Variants in METTL15 observed in about 807,000 individuals in gnomAD.
METTL15 encodes the protein methyltransferase 15, mitochondrial 12S rRNA N4-cytidine, also known as 12S rRNA N(4)-cytidine methyltransferase METTL15.
In METTL15, 34 loss-of-function variants were observed where a neutral mutation model predicts 38.3. The observed-to-expected ratio is 0.89, with a 90% CI of 0.68 to 1.18. The LOEUF (loss-of-function observed/expected upper bound fraction) is 1.18, where lower values mean the gene tolerates loss of function less well. Ranked by LOEUF, METTL15 falls within the 50% of genes most tolerant of loss-of-function variation. METTL15 has a pLI of 0.00. For synonymous variants in METTL15, 162 were observed against 170.9 expected (o/e 0.95, Z 0.41); for missense variants, 438 against 498.4 (o/e 0.88, Z 1.15).
At chr11:28,457,768 G>T (rs1851181309) in intron 6 of METTL15, among the ~76,000 whole-genome samples, 1 of 152,192 alleles carries the variant, frequency 6.6e-6, no homozygotes, top group Non-Finnish European at 1.5e-5. Flanking sequence ...CCTAAAGACT[G>T]GACGTTGTTT....
chr11:28,139,307 G>A (rs1849618291), intron 3 of METTL15, among the ~76,000 whole-genome samples: 1 of 152,100 alleles, frequency 6.6e-6, no homozygotes, highest in Non-Finnish European at 1.5e-5. Context: ...GAGAAATACA[G>A]ACTGAAGATG....
At chr11:28,174,543 A>G (rs919619911) in intron 3 of METTL15, among the ~76,000 whole-genome samples, 1 of 152,150 alleles carries the variant, frequency 6.6e-6, no homozygotes, top group Non-Finnish European at 1.5e-5. Context: ...GGTCAGGCAC[A>G]GTGACTCACG....
intron 6 of METTL15, among the ~76,000 whole-genome samples, chr11:28,487,762 T>A (rs1398850659): frequency 6.6e-6 from 1 of 152,194 alleles, no homozygotes; most frequent in African/African-American, 2.4e-5. Context: ...TAGCTTCTAT[T>A]TCTTCTCTCA....
At chr11:28,163,692 AAT>A in intron 3 of METTL15, 1 of 373,180 alleles carries the variant, frequency 2.7e-6, no homozygotes, top group Non-Finnish European at 4.7e-6. Flanking sequence ...CTGAGAACTT[AAT>A]ATACTTTTTT....
At chr11:28,334,289 C>T (rs536071530), downstream of METTL15, among the ~76,000 whole-genome samples, 35 of 152,050 alleles carry the variant, frequency 2.3e-4, no homozygotes, top group African/African-American at 3.9e-4. Flanking sequence ...AATTTTGGCA[C>T]ATACCATGAC....
chr11:28,376,281 A>G lies in METTL15; in HGVS notation c.*358+14245A>G, dbSNP rs1344536566. On this transcript the variant is annotated intron_variant and NMD_transcript_variant, in intron 5 of 7. Coordinates refer to the METTL15 transcript ENST00000532947. Reference sequence around the variant, plus strand: ...TGACAGTGGGGTGTTAAAGTCTCCCATTATTAATGTGTGGGAGTCTAAGTC... The same window carrying G: ...TGACAGTGGGGTGTTAAAGTCTCCCGTTATTAATGTGTGGGAGTCTAAGTC... Among the ~76,000 whole-genome samples, 13 of 152,000 alleles carry G rather than the reference A, an allele frequency of 8.6e-5. 1 individual carries two copies. The South Asian group carries it at 2.1e-3, about 24-fold the overall frequency.
intron 4 of METTL15, among the ~76,000 whole-genome samples, chr11:28,270,976 A>G (rs1320350682): frequency 6.6e-6 from 1 of 152,230 alleles, no homozygotes; most frequent in Non-Finnish European, 1.5e-5. Context: ...TCTGAAGATT[A>G]TATGCATCAA....
intron 6 of METTL15, among the ~76,000 whole-genome samples, chr11:28,322,123 G>A (rs1179447072): frequency 6.6e-6 from 1 of 151,950 alleles, no homozygotes; most frequent in Non-Finnish European, 1.5e-5. Context: ...TAATCTTAGA[G>A]TGGGAAAAAC....
At chr11:28,328,244 C>G (rs1314353149) in intron 6 of METTL15, 24 of 1,349,696 alleles carry the variant, frequency 1.8e-5, no homozygotes, top group Non-Finnish European at 2.5e-5. Flanking sequence ...AGATAAATCC[C>G]CTAGTGTCTA....
chr11:28,310,999 TGTGTGAGA>T (rs1397993137), intron 6 of METTL15, among the ~76,000 whole-genome samples: 2,014 of 144,646 alleles, frequency 0.014, 93 homozygotes, highest in African/African-American at 0.052. Context: ...TGTGTGTGTG[TGTGTGAGA>T]GAGAGAGAGA....
chr11:28,396,514 C>T (rs1276177338), intron 5 of METTL15, among the ~76,000 whole-genome samples: 3 of 152,084 alleles, frequency 2.0e-5, no homozygotes, highest in East Asian at 1.9e-4. Context: ...AATAAAATAC[C>T]TAGGAATCCA....
chr11:28,131,071 C>T (rs868773843), intron 3 of METTL15, among the ~76,000 whole-genome samples: 2 of 152,032 alleles, frequency 1.3e-5, no homozygotes, highest in Non-Finnish European at 2.9e-5. Context: ...TGGCATCCTC[C>T]CATTTTTTTT....
intron 4 of METTL15, among the ~76,000 whole-genome samples, chr11:28,223,286 C>T (rs1853327562): frequency 6.6e-6 from 1 of 151,978 alleles, no homozygotes; most frequent in Non-Finnish European, 1.5e-5. Flanking sequence ...ATGTTTACAT[C>T]TCTGCATATT....
intron 5 of METTL15, among the ~76,000 whole-genome samples, chr11:28,422,966 T>C (rs1241384916): frequency 6.6e-6 from 1 of 151,630 alleles, no homozygotes; most frequent in Non-Finnish European, 1.5e-5. Context: ...GGTTAAAAAA[T>C]GGAGTATATA....
chr11:28,310,321 T>C (rs1321354143), intron 6 of METTL15, among the ~76,000 whole-genome samples: 4 of 151,438 alleles, frequency 2.6e-5, no homozygotes, highest in Non-Finnish European at 5.9e-5. Flanking sequence ...AAAGAATGAA[T>C]GTCTAGAAAA....
At chr11:28,427,787 T>A (rs911927599) in intron 6 of METTL15, among the ~76,000 whole-genome samples, 1 of 152,258 alleles carries the variant, frequency 6.6e-6, no homozygotes, top group African/African-American at 2.4e-5. Flanking sequence ...TGATTTTGTA[T>A]CCTGAGACTT....
intron 3 of METTL15, among the ~76,000 whole-genome samples, chr11:28,149,065 G>C (rs1184595007): frequency 6.6e-6 from 1 of 151,878 alleles, no homozygotes; most frequent in African/African-American, 2.4e-5. Context: ...CAGCTTTTGA[G>C]AAAGGCAATA....
At chr11:28,432,048 CTT>C (rs1345460695) in intron 6 of METTL15, among the ~76,000 whole-genome samples, 1 of 152,152 alleles carries the variant, frequency 6.6e-6, no homozygotes, top group East Asian at 1.9e-4. Flanking sequence ...GAAGAAAAGA[CTT>C]CAACTTTCCA....
At chr11:28,252,468 A>G (rs946376098) in intron 4 of METTL15, among the ~76,000 whole-genome samples, 2 of 152,128 alleles carry the variant, frequency 1.3e-5, no homozygotes, top group Non-Finnish European at 2.9e-5. Flanking sequence ...ACAATGAAAC[A>G]TTAACTGTCT....
Sources: allele counts gnomAD v4.1 joint callset (sites outside exome capture counted in the v4.1 genomes callset), GRCh38; gene constraint gnomAD v4.1.1; transcripts MANE v1.5; gene names NCBI Gene and HGNC (gene_info 2026-07-23, HGNC 2026-07-21).